The following ABCA9 variants were observed in gnomAD, a reference collection of about 807,000 sequenced individuals.
ABCA9 encodes ATP-binding cassette sub-family A member 9.
A neutral mutation model predicts 205.3 loss-of-function variants in ABCA9; 183 were observed. The observed-to-expected ratio is 0.89, with a 90% CI of 0.79 to 1.01. The LOEUF (loss-of-function observed/expected upper bound fraction) is 1.01, where lower values mean the gene tolerates loss of function less well. ABCA9 is among the 50% of genes least tolerant of loss of function. The pLI is 0.00. For synonymous variants in ABCA9, 651 were observed against 683.3 expected, an observed-to-expected ratio of 0.95 and a Z score of 0.74; for missense variants, 1,805 against 1,912.4, an observed-to-expected ratio of 0.94 and a Z score of 1.05.
chr17:69,029,432 A>T (rs2071091937), intron 10 of ABCA9, among the ~76,000 whole-genome samples: 1 of 152,160 alleles, frequency 6.6e-6, no homozygotes, highest in Admixed American at 6.5e-5. Context: ...AGAATCCCTG[A>T]TCTTTCCAAA....
At chr17:69,050,228 C>T (rs2144503047) in intron 2 of ABCA9, among the ~76,000 whole-genome samples, 1 of 151,972 alleles carries the variant, frequency 6.6e-6, no homozygotes, top group East Asian at 1.9e-4. Flanking sequence ...GGCGGGATCA[C>T]AACTTTTACA....
Position 69,027,659 on chromosome 17 carries a change from G to A in ABCA9, c.1772C>T (p.Pro591Leu). 6.2e-7 allele frequency: 1 copy of A among 1,613,214 alleles called. No individual in the cohort carries two copies. The part of the protein sequence containing the change: ...RLFAKIKGIL[P>L]HEVEKEVQRV... Reference sequence around the variant, plus strand: ...ACATACCTCTTTCTCCACTTCATGTGGCAAAATCCCTTTTATTTTAGCAAA... The same window carrying A: ...ACATACCTCTTTCTCCACTTCATGTAGCAAAATCCCTTTTATTTTAGCAAA... The change falls in exon 13 of 39, where the codon CCA (proline) becomes CTA (leucine). Residue 591 changes from proline (P) to leucine (L), a missense_variant. Physicochemically the swap from Pro to Leu is moderately conservative, Grantham distance 98. Transcript: ENST00000340001.
In ABCA9 at chr17:68,987,746, G is replaced by T. The variant is rs796173505; in HGVS notation, c.4047+1281C>A. Among the ~76,000 whole-genome samples, 434 of 80,488 alleles carry T rather than the reference G, an allele frequency of 5.4e-3. 2 individuals are homozygous for T. The highest frequency in any genetic ancestry group is 0.013 in the African/African-American group (326 of 25,154). 52.8% of individuals were successfully genotyped at this position (80,488 alleles called of 152,430 possible). ...CATGACCTCATTTGCGTTTTTTTTT[G>T]TTTGTTTGTTTGTTTGTTTGTTTTT... On this transcript the variant is annotated intron_variant, in intron 31 of 38. Coordinates refer to ENST00000340001, the MANE Select transcript of ABCA9 (RefSeq NM_080283.4).
chr17:69,028,673 TC>T lies in ABCA9; in HGVS notation c.1505-29del, dbSNP rs769729662. 1.5e-5 allele frequency: 21 copies of T among 1,399,728 alleles called. No individual in the cohort carries two copies. The South Asian group carries it at 2.7e-4, about 18-fold the overall frequency. 86.7% of individuals were successfully genotyped at this position (1,399,728 alleles called of 1,614,324 possible). On this transcript the variant is annotated intron_variant, in intron 11 of 38. Coordinates refer to ENST00000340001, the MANE Select transcript of ABCA9 (RefSeq NM_080283.4). The stretch of plus-strand genomic sequence containing the variant: ...GGCATGATTTTAAAAAAAATTACAC[TC>T]AGAGCCTACATATTAACTTTACAGT...
At chr17:69,008,346 T>C in intron 23 of ABCA9, 111 bp from the exon 24 acceptor site, 1 of 972,210 alleles carries the variant, frequency 1.0e-6, no homozygotes, top group East Asian at 2.5e-5. Flanking sequence ...TTAGAAATAT[T>C]ATCCTGATTT....
At chr17:69,028,971 G>A (rs552268870) in intron 11 of ABCA9, among the ~76,000 whole-genome samples, 198 bp downstream of exon 11, 2 of 151,320 alleles carry the variant, frequency 1.3e-5, no homozygotes, top group East Asian at 1.9e-4. Flanking sequence ...AAACCCACAC[G>A]ATTTTTAATG....
chr17:69,028,601 C>T lies in ABCA9; in HGVS notation c.1549G>A (p.Gly517Ser). ...GTAGTTTTTCCAGCTCCACTGTGAC[C>T]AAGGAGGGCAGTGATCTGGCCTTCA... ...IYEGQITALL[G>S]HSGAGKTTLL... is the part of the protein sequence containing the mutation. The change falls in exon 12 of 39, where the codon GGT becomes AGT. Residue 517 changes from glycine to serine, a missense_variant. Transcript: ENST00000340001. 1 of 1,609,658 alleles carries T rather than the reference C, an allele frequency of 6.2e-7. No individual in the cohort carries two copies. Among genetic ancestry groups the T allele is most frequent in the Non-Finnish European group, 8.5e-7 (1 of 1,177,698 alleles).
In ABCA9 at chr17:69,051,036, A is replaced by G; in HGVS notation, c.91T>C (p.Leu31=). 3 of 1,613,518 alleles carry G rather than the reference A, an allele frequency of 1.9e-6. No homozygotes were observed. The highest frequency in any genetic ancestry group is 2.2e-5 in the South Asian group (2 of 91,030). Residue 31 remains leucine, a synonymous_variant, in exon 2 of 39, where the codon TTG becomes CTG. Coordinates refer to ENST00000340001, the MANE Select transcript of ABCA9 (RefSeq NM_080283.4). The part of the protein sequence containing the change: ...LKKWRMKRQT[L]LEWLFSFLLV... ...ACATAGACTCTGAAGCATACCAACA[A>G]GGTCTGTCTTTTCATTCTCCATTTT... is the stretch of plus-strand genomic sequence containing the variant.
Position 69,020,525 on chromosome 17 carries a change from C to G in ABCA9, c.2463G>C (p.Glu821Asp). Residue 821 changes from glutamate (E) to aspartate (D), a missense_variant, in exon 19 of 39, where the codon GAG (glutamate) becomes GAC (aspartate). Transcript: ENST00000340001. The stretch of plus-strand genomic sequence containing the variant: ...GGAAGGAAGACAAAACTTGTTCCAG[C>G]TCAACAAGGCTTCCTATATCTTTTG... ...DGAKDIGSLV[E>D]LEQVLSSFHE... 2 of 1,614,110 alleles carry G rather than the reference C, an allele frequency of 1.2e-6. No homozygotes were observed. The highest frequency in any genetic ancestry group is 1.7e-6 in the Non-Finnish European group (2 of 1,179,976).
At chr17:69,064,829 C>CAA (rs1411857393), upstream of ABCA9, among the ~76,000 whole-genome samples, 1 of 152,120 alleles carries the variant, frequency 6.6e-6, no homozygotes, top group Non-Finnish European at 1.5e-5. Flanking sequence ...TGGTGTCAAG[C>CAA]ATATTTTAAT....
At chr17:69,014,453 C>T (rs1185421949) in intron 22 of ABCA9, among the ~76,000 whole-genome samples, 7 of 152,010 alleles carry the variant, frequency 4.6e-5, no homozygotes, top group Non-Finnish European at 1.0e-4. Flanking sequence ...ATCGAGAATC[C>T]GAAACACTTC....
intron 1 of ABCA9, among the ~76,000 whole-genome samples, chr17:69,051,369 G>A (rs1382287061): frequency 3.3e-5 from 5 of 152,204 alleles, no homozygotes; most frequent in African/African-American, 4.8e-5. Context: ...ATTGGATTGA[G>A]AAAAATCAGA....
At chr17:69,049,184 A>T in intron 3 of ABCA9, 99 bp downstream of exon 3, 1 of 1,287,038 alleles carries the variant, frequency 7.8e-7, no homozygotes, top group Non-Finnish European at 1.1e-6. Flanking sequence ...AATAAACTCT[A>T]GAAACTTGAA....
At chr17:69,062,855 C>G (rs1567982402), upstream of ABCA9, among the ~76,000 whole-genome samples, 1 of 152,176 alleles carries the variant, frequency 6.6e-6, no homozygotes, top group East Asian at 1.9e-4. Context: ...TTTACCAATT[C>G]AAAAACAATC....
At chr17:69,005,620 GCCA>G (rs1266239907) in intron 25 of ABCA9, among the ~76,000 whole-genome samples, 4 of 152,284 alleles carry the variant, frequency 2.6e-5, no homozygotes, top group South Asian at 4.1e-4. Flanking sequence ...TCGTTCCTTG[GCCA>G]CCACATTTCC....
At chr17:68,987,568 A>C (rs1287488602) in intron 31 of ABCA9, among the ~76,000 whole-genome samples, 1 of 152,208 alleles carries the variant, frequency 6.6e-6, no homozygotes. Context: ...CACTCTAGCC[A>C]CAGGAAGATC....
chr17:69,059,674 T>G (rs2072173774), intron 1 of ABCA9, among the ~76,000 whole-genome samples: 1 of 151,120 alleles, frequency 6.6e-6, no homozygotes, highest in Non-Finnish European at 1.5e-5. Flanking sequence ...TGGTCATTTT[T>G]TTTTTTTTTA....
At position 69,044,526 on chromosome 17, in the gene ABCA9, G is replaced by C. The variant is rs1303465516; in HGVS notation, c.544C>G (p.Gln182Glu). The C allele has an allele frequency of 2.5e-6, 4 of 1,613,074 alleles. No homozygotes were observed. In the South Asian group the frequency reaches 4.4e-5, roughly 18 times the overall value. Residue 182 changes from glutamine (Q) to glutamate (E), a missense_variant, in exon 5 of 39, where the codon CAA (glutamine) becomes GAA (glutamate). By Grantham distance (29) the Gln-to-Glu change is conservative (BLOSUM62 2). Transcript: ENST00000340001. ...EFWEKGFVAF[Q>E]AAINAAIIEI... ...ATGATAGCAGCATTAATGGCAGCTT[G>C]AAAAGCTACAAAGCCTTTCTCCCAG...
the ABCA9 span, among the ~76,000 whole-genome samples, chr17:69,075,760 T>A: frequency 6.6e-5 from 10 of 152,136 alleles, no homozygotes; most frequent in Non-Finnish European, 7.4e-5. Context: ...TTTTTCTAAT[T>A]CCATGAAAAA....
Sources: gnomAD v4.1 joint callset for allele counts (sites outside exome capture counted in the v4.1 genomes callset) on GRCh38, gnomAD v4.1.1 for gene constraint, MANE v1.5 for transcripts, NCBI Gene and HGNC (gene_info 2026-07-23, HGNC 2026-07-21) for gene names.